MAGI2: variants seen among roughly 807,000 people sequenced by gnomAD.
MAGI2 encodes the protein membrane associated guanylate kinase, WW and PDZ domain containing 2, also known as membrane-associated guanylate kinase, WW and PDZ domain-containing protein 2.
MAGI2 carries 35 observed loss-of-function variants against 133.3 expected under a neutral mutation model. The ratio of observed to expected loss-of-function variants is 0.26; its 90% confidence interval spans 0.20 to 0.35. The LOEUF (loss-of-function observed/expected upper bound fraction) is 0.35, where lower values mean the gene tolerates loss of function less well. Among genes scored for constraint, MAGI2 ranks in the 10% least tolerant of loss-of-function variants. The pLI is 1.00. For missense variants in MAGI2, 1,636 were observed against 1,863.4 expected (o/e 0.88, Z 2.25); for synonymous variants, 729 against 710.6 (o/e 1.03, Z -0.41).
intron 2 of MAGI2, among the ~76,000 whole-genome samples, chr7:78,726,132 T>C (rs562343590): frequency 1.8e-4 from 27 of 152,272 alleles, no homozygotes; most frequent in Non-Finnish European, 3.7e-4. Context: ...TTCTCCCTTA[T>C]TGTTCAAAAA....
chr7:79,066,319 T>G (rs116731227), intron 1 of MAGI2, among the ~76,000 whole-genome samples: 2 of 151,320 alleles, frequency 1.3e-5, no homozygotes, highest in Admixed American at 1.3e-4. Flanking sequence ...TAATGACCAG[T>G]GATGATGAAC....
intron 2 of MAGI2, among the ~76,000 whole-genome samples, chr7:78,773,542 G>C (rs1019481840): frequency 4.6e-5 from 7 of 152,180 alleles, no homozygotes; most frequent in Non-Finnish European, 7.4e-5. Flanking sequence ...ACAAGAAAAA[G>C]AAAACAGAGT....
At position 78,152,195 on chromosome 7, in the gene MAGI2, G is replaced by A. The variant is rs566812920; in HGVS notation, c.2845+7830C>T. Among the ~76,000 whole-genome samples the A allele has an allele frequency of 6.7e-4, 102 of 152,288 alleles. 1 individual carries two copies. Among genetic ancestry groups the A allele is most frequent in the Non-Finnish European group, 1.2e-3 (85 of 68,030 alleles). On this transcript the variant is annotated intron_variant, in intron 16 of 21. Coordinates refer to ENST00000354212, the MANE Select transcript of MAGI2 (RefSeq NM_012301.4). ...GGGTGCTGTGAAGATTAAATATGGT[G>A]TAAGATTCCAAGCACAGTGCCTGGG...
intron 16 of MAGI2, among the ~76,000 whole-genome samples, chr7:78,142,440 T>C (rs949409483): frequency 1.3e-5 from 2 of 151,990 alleles, no homozygotes; most frequent in Non-Finnish European, 2.9e-5. Flanking sequence ...TCTCTGTGGG[T>C]GCATTTTCCA....
At chr7:79,054,810 A>G (rs1484033420) in intron 1 of MAGI2, among the ~76,000 whole-genome samples, 1 of 152,210 alleles carries the variant, frequency 6.6e-6, no homozygotes, top group Non-Finnish European at 1.5e-5. Flanking sequence ...CCTTTGGGAC[A>G]GACGGAGTCC....
intron 19 of MAGI2, 22 bp downstream of exon 19, chr7:78,127,175 C>A (rs916518309): frequency 1.3e-6 from 2 of 1,536,404 alleles, no homozygotes; most frequent in Non-Finnish European, 1.7e-6. Context: ...CAGGACCCAC[C>A]CTGCTCTCCG....
chr7:79,403,018 A>T (rs1845576678), intron 1 of MAGI2, among the ~76,000 whole-genome samples: 1 of 152,198 alleles, frequency 6.6e-6, no homozygotes, highest in Admixed American at 6.5e-5. Flanking sequence ...TTGGGTATGA[A>T]GATTAAATGT....
At chr7:78,275,214 C>G (rs1290030679) in intron 9 of MAGI2, among the ~76,000 whole-genome samples, 2 of 152,198 alleles carry the variant, frequency 1.3e-5, no homozygotes, top group Non-Finnish European at 2.9e-5. Context: ...TTCCCCAACC[C>G]CTTGTGCTTC....
At chr7:79,000,453 T>C (rs980412811) in intron 2 of MAGI2, 4 of 152,170 alleles carry the variant, frequency 2.6e-5, no homozygotes, top group Admixed American at 6.6e-5. Context: ...AGAAATAAAA[T>C]TATTTTTCCC....
intron 10 of MAGI2, among the ~76,000 whole-genome samples, chr7:78,245,488 A>G (rs1791669821): frequency 6.6e-6 from 1 of 152,202 alleles, no homozygotes; most frequent in South Asian, 2.1e-4. Flanking sequence ...CAAACAACAG[A>G]TAAGTAATTA....
rs958009609 is a variant in MAGI2 at position 79,025,003 on chromosome 7, G to A, written c.302-17797C>T. Among the ~76,000 whole-genome samples the A allele has an allele frequency of 5.9e-5, 9 of 152,158 alleles. No individual in the cohort carries two copies. In the East Asian group the frequency reaches 9.7e-4, roughly 16 times the overall value. ...TTTGACCCAGCAATCCCATTATTCA[G>A]TATATACCCAAAGAAATATAAACTG... On this transcript the variant is annotated intron_variant, in intron 1 of 21. Transcript: ENST00000354212.
chr7:78,398,969 T>C (rs1270030552), intron 6 of MAGI2, among the ~76,000 whole-genome samples: 3 of 151,702 alleles, frequency 2.0e-5, no homozygotes, highest in Non-Finnish European at 4.4e-5. Flanking sequence ...TTCTCATCTT[T>C]GTAAATCTTT....
At chr7:78,474,680 T>C (rs901942242) in intron 6 of MAGI2, among the ~76,000 whole-genome samples, 24 of 151,882 alleles carry the variant, frequency 1.6e-4, no homozygotes, top group Admixed American at 1.5e-3. Flanking sequence ...GATCAGGAGA[T>C]TGTCAACCCA....
intron 1 of MAGI2, among the ~76,000 whole-genome samples, chr7:79,035,189 AGTGT>A (rs71531161): frequency 1.6e-5 from 2 of 126,202 alleles, no homozygotes; most frequent in South Asian, 2.7e-4. Flanking sequence ...CACAAAAAAA[AGTGT>A]GTGTGTGTGT....
intron 3 of MAGI2, among the ~76,000 whole-genome samples, chr7:78,598,235 C>T (rs7807545): frequency 0.74 from 111,920 of 151,976 alleles, 41,699 homozygotes; most frequent in African/African-American, 0.8. Flanking sequence ...CTAGTGGCCA[C>T]GGAAATAAAT....
At chr7:79,406,441 G>T (rs1845813244) in intron 1 of MAGI2, among the ~76,000 whole-genome samples, 1 of 152,110 alleles carries the variant, frequency 6.6e-6, no homozygotes, top group African/African-American at 2.4e-5. Context: ...TATTGAAAAT[G>T]AGACTACTAT....
chr7:79,222,300 T>C (rs1229595074), intron 1 of MAGI2, among the ~76,000 whole-genome samples: 1 of 152,026 alleles, frequency 6.6e-6, no homozygotes. Context: ...ATACAGAGTA[T>C]AACAAGAAAT....
intron 1 of MAGI2, chr7:79,414,523 G>A (rs779963416): frequency 7.9e-5 from 12 of 152,018 alleles, no homozygotes; most frequent in Non-Finnish European, 1.6e-4. Context: ...ATGATCAGAG[G>A]TGGCATTTCT....
intron 2 of MAGI2, among the ~76,000 whole-genome samples, chr7:78,718,606 C>T (rs1819953782): frequency 1.3e-5 from 2 of 151,824 alleles, no homozygotes; most frequent in South Asian, 4.2e-4. Context: ...TGTCCCCCAT[C>T]ACCCCCAGAT....
Sources: allele counts gnomAD v4.1 joint callset (sites outside exome capture counted in the v4.1 genomes callset), GRCh38; gene constraint gnomAD v4.1.1; transcripts MANE v1.5; gene names NCBI Gene and HGNC (gene_info 2026-07-23, HGNC 2026-07-21).